LGR6: variants seen among roughly 807,000 people sequenced by gnomAD.
LGR6 encodes leucine rich repeat containing G protein-coupled receptor 6, also known as leucine-rich repeat-containing G protein-coupled receptor 6.
Under a neutral mutation model 69.4 loss-of-function variants are expected in LGR6, and 45 were observed. That is an observed-to-expected ratio of 0.65 (90% CI 0.51 to 0.83). The LOEUF (loss-of-function observed/expected upper bound fraction) is 0.83. Ranked by LOEUF, LGR6 falls within the 40% of genes least tolerant of loss-of-function variation. The pLI, the probability that LGR6 is intolerant of heterozygous loss-of-function variation, is 0.00. For synonymous variants in LGR6, 538 were observed against 555.0 expected, an observed-to-expected ratio of 0.97 and a Z score of 0.43; for missense variants, 1,108 against 1,246.7, an observed-to-expected ratio of 0.89 and a Z score of 1.68.
At chr1:202,232,777 C>T (rs2361450) in intron 3 of LGR6, among the ~76,000 whole-genome samples, 122,939 of 152,162 alleles carry the variant, frequency 0.81, 50,205 homozygotes, top group East Asian at 0.98. Context: ...AGTAGGAAAA[C>T]ATCGTCACAA....
chr1:202,212,117 G>A (rs1302640410), intron 1 of LGR6, among the ~76,000 whole-genome samples: 11 of 152,152 alleles, frequency 7.2e-5, no homozygotes, highest in African/African-American at 1.4e-4. Context: ...GGCTACCACC[G>A]CTATGAGCAG....
intron 5 of LGR6, 88 bp from the exon 6 acceptor site, chr1:202,280,691 TAC>T: frequency 8.7e-7 from 1 of 1,154,458 alleles, no homozygotes; most frequent in Non-Finnish European, 1.3e-6. Context: ...TGCTTCTGCC[TAC>T]ACTTTCCCCA....
At chr1:202,211,409 A>G (rs567381171) in intron 1 of LGR6, among the ~76,000 whole-genome samples, 3 of 152,338 alleles carry the variant, frequency 2.0e-5, no homozygotes, top group Non-Finnish European at 2.9e-5. Context: ...GCTGGAGTGC[A>G]GTGGTGTGAT....
At chr1:202,278,426 G>A (rs1024663865) in intron 5 of LGR6, among the ~76,000 whole-genome samples, 1 of 152,060 alleles carries the variant, frequency 6.6e-6, no homozygotes, top group African/African-American at 2.4e-5. Flanking sequence ...GAGATTGAGG[G>A]GAAGGCCCAC....
chr1:202,196,436 C>T (rs1658643138), intron 1 of LGR6, among the ~76,000 whole-genome samples: 1 of 152,144 alleles, frequency 6.6e-6, no homozygotes, highest in African/African-American at 2.4e-5. Context: ...TCCAGCTTGG[C>T]CCTGCCCCAT....
intron 6 of LGR6, among the ~76,000 whole-genome samples, chr1:202,294,937 G>T (rs1423150816): frequency 6.6e-6 from 1 of 152,198 alleles, no homozygotes; most frequent in East Asian, 1.9e-4. Flanking sequence ...AACCATAGAA[G>T]TATTTGGGGA....
intron 6 of LGR6, among the ~76,000 whole-genome samples, chr1:202,295,551 C>G (rs1667093585): frequency 6.6e-6 from 1 of 152,118 alleles, no homozygotes; most frequent in Non-Finnish European, 1.5e-5. Context: ...CTCAATTCTC[C>G]CAGTCTGGTT....
chr1:202,200,509 C>G (rs900747101), intron 1 of LGR6, among the ~76,000 whole-genome samples: 2 of 152,116 alleles, frequency 1.3e-5, no homozygotes, highest in Non-Finnish European at 2.9e-5. Context: ...GATCAAGGAG[C>G]CTGCTGGGGC....
At chr1:202,290,076 CT>C (rs1666685287) in intron 6 of LGR6, among the ~76,000 whole-genome samples, 1 of 152,190 alleles carries the variant, frequency 6.6e-6, no homozygotes, top group African/African-American at 2.4e-5. Context: ...ATGAAAGTGT[CT>C]GTTCTAGTAG....
chr1:202,234,591 T>C (rs1208037406), intron 3 of LGR6, among the ~76,000 whole-genome samples: 7 of 152,206 alleles, frequency 4.6e-5, no homozygotes, highest in African/African-American at 1.7e-4. Flanking sequence ...GTCTAGACTG[T>C]GGACCCAAAC....
At chr1:202,210,331 A>G (rs896369848) in intron 1 of LGR6, among the ~76,000 whole-genome samples, 1 of 151,632 alleles carries the variant, frequency 6.6e-6, no homozygotes, top group East Asian at 2.0e-4. Flanking sequence ...CCCTCTGCAC[A>G]TGGATGCTCA....
rs1256347480 is a variant in LGR6 at position 202,194,048 on chromosome 1, G to A, written c.59G>A (p.Arg20Gln). Residue 20 changes from arginine to glutamine, a missense_variant, in exon 1 of 18, where the codon CGG (arginine) becomes CAG (glutamine). Coordinates refer to ENST00000367278, the MANE Select transcript of LGR6 (RefSeq NM_001017403.2). Reference protein sequence around the residue: ...LWLCAALCASRRAGGAPQPGP... With the variant: ...LWLCAALCASQRAGGAPQPGP... ...CTTTGCGCCGCGCTGTGCGCTTCCC[G>A]GAGGGCCGGCGGCGCCCCCCAGCCC... 1.4e-6 allele frequency: 2 copies of A among 1,388,294 alleles called. No homozygotes were observed. The highest frequency in any genetic ancestry group is 1.6e-5 in the South Asian group (1 of 61,712). 86.0% of individuals were successfully genotyped at this position (1,388,294 alleles called of 1,614,324 possible).
chr1:202,228,554 G>A (rs944341723), intron 3 of LGR6, among the ~76,000 whole-genome samples: 9 of 152,204 alleles, frequency 5.9e-5, no homozygotes, highest in Non-Finnish European at 1.3e-4. Context: ...AGGAAAGTGA[G>A]AGTTGGAGAG....
intron 6 of LGR6, among the ~76,000 whole-genome samples, chr1:202,290,864 C>CA (rs1558066696): frequency 6.6e-6 from 1 of 151,934 alleles, no homozygotes. Flanking sequence ...AACTCTGTCT[C>CA]AAAAAATAAA....
chr1:202,218,510 C>A (rs1314289036), intron 1 of LGR6, among the ~76,000 whole-genome samples: 1 of 152,224 alleles, frequency 6.6e-6, no homozygotes, highest in South Asian at 2.1e-4. Flanking sequence ...GTTGTCCAGG[C>A]TCATGGGGTG....
At chr1:202,276,241 C>T (rs917116856) in intron 4 of LGR6, 65 bp from the exon 5 acceptor site, 67 of 1,410,678 alleles carry the variant, frequency 4.7e-5, no homozygotes, top group Non-Finnish European at 6.6e-5. Flanking sequence ...CTGGCCCAGT[C>T]TAGCCCCAAA....
At chr1:202,225,555 C>A in intron 2 of LGR6, 61 bp downstream of exon 2, 3 of 1,439,984 alleles carry the variant, frequency 2.1e-6, no homozygotes, top group Non-Finnish European at 9.8e-7. Flanking sequence ...TCTCTGGAAC[C>A]AGAGCTCCCC....
chr1:202,275,219 G>A (rs1406845586), intron 4 of LGR6, among the ~76,000 whole-genome samples: 1 of 152,182 alleles, frequency 6.6e-6, no homozygotes, highest in Non-Finnish European at 1.5e-5. Context: ...CTATGTGGGA[G>A]GACCATGGCT....
chr1:202,286,475 C>T (rs1405647069), intron 6 of LGR6, among the ~76,000 whole-genome samples: 1 of 152,160 alleles, frequency 6.6e-6, no homozygotes, highest in African/African-American at 2.4e-5. Flanking sequence ...ATTGTGTATC[C>T]TCATGTTACA....
Sources: gnomAD v4.1 joint callset for allele counts (sites outside exome capture counted in the v4.1 genomes callset) on GRCh38, gnomAD v4.1.1 for gene constraint, MANE v1.5 for transcripts, NCBI Gene and HGNC (gene_info 2026-07-23, HGNC 2026-07-21) for gene names.